Variants in PRKCQ observed in about 807,000 individuals in gnomAD.
PRKCQ encodes protein kinase C theta, also known as protein kinase C theta type.
In PRKCQ, 41 loss-of-function variants were observed where a neutral mutation model predicts 91.2. The observed-to-expected ratio is 0.45, with a 90% CI of 0.35 to 0.58. The LOEUF is 0.58. Among genes scored for constraint, PRKCQ ranks in the 20% least tolerant of loss-of-function variants. The pLI, the probability that PRKCQ is intolerant of heterozygous loss-of-function variation, is 0.00. For missense variants in PRKCQ, 673 were observed against 896.5 expected (o/e 0.75, Z 3.18); for synonymous variants, 307 against 316.9 (o/e 0.97, Z 0.33).
At chr10:6,462,002 G>A (rs1417297158) in intron 14 of PRKCQ, among the ~76,000 whole-genome samples, 1 of 152,046 alleles carries the variant, frequency 6.6e-6, no homozygotes, top group Non-Finnish European at 1.5e-5. Context: ...GAAACCGTAA[G>A]GTATGATAAG....
chr10:6,525,313 C>T (rs558448368), intron 1 of PRKCQ, among the ~76,000 whole-genome samples: 18 of 152,270 alleles, frequency 1.2e-4, no homozygotes, highest in Non-Finnish European at 2.2e-4. Context: ...CATGGTGGCT[C>T]ATGCCTGTAA....
Position 6,497,337 on chromosome 10 carries a change from A to G in PRKCQ, c.543-86T>C. ...TTTAAGAGATGGATGAGATCTCATA[A>G]CCCCCTAAGATCACAGAGCAGTTTC... On this transcript the variant is annotated intron_variant, in intron 5 of 17. Coordinates refer to ENST00000263125, the MANE Select transcript of PRKCQ (RefSeq NM_006257.5). This position sits in a 1 kb window ranked among gnomAD's most constrained non-coding sequence, Gnocchi z 4.5. 2.0e-6 allele frequency: 3 copies of G among 1,476,756 alleles called. No homozygotes were observed. The Admixed American group carries it at 5.0e-5, about 25-fold the overall frequency. The allele number at this position is 1,476,756 out of a possible 1,614,324, so 91.5% of individuals were successfully genotyped here.
intron 12 of PRKCQ, among the ~76,000 whole-genome samples, chr10:6,475,306 A>G (rs1035946770): frequency 1.3e-5 from 2 of 152,178 alleles, no homozygotes; most frequent in Admixed American, 6.5e-5. Flanking sequence ...GGGCAGGGGT[A>G]AAGTGGGTGC....
intron 4 of PRKCQ, among the ~76,000 whole-genome samples, chr10:6,499,526 A>G (rs1375279451): frequency 2.6e-5 from 4 of 152,232 alleles, no homozygotes; most frequent in Non-Finnish European, 5.9e-5. Context: ...CAGTAAAGAA[A>G]TAAAAATATC....
chr10:6,496,054 A>G (rs1399907760), intron 7 of PRKCQ, among the ~76,000 whole-genome samples: 2 of 151,920 alleles, frequency 1.3e-5, no homozygotes, highest in African/African-American at 2.4e-5. Flanking sequence ...CATCTCTACT[A>G]AAAATACGAA....
At chr10:6,511,527 G>A (rs74112681) in intron 2 of PRKCQ, among the ~76,000 whole-genome samples, 1,776 of 152,330 alleles carry the variant, frequency 0.012, 30 homozygotes, top group African/African-American at 0.041. Flanking sequence ...CTGAGATGAC[G>A]AGAATTGCCA....
chr10:6,470,527 C>T (rs557711105), intron 12 of PRKCQ, among the ~76,000 whole-genome samples: 1 of 152,296 alleles, frequency 6.6e-6, no homozygotes, highest in African/African-American at 2.4e-5. Context: ...AGGAACAACA[C>T]ATATTAAACT....
rs1564324297 is a variant in PRKCQ, at chr10:6,467,385, CAGACAG to C, written c.1354-2987_1354-2982del. On this transcript the variant is annotated intron_variant, in intron 12 of 17. Transcript: ENST00000263125. ...AGAGAGAGAGAGAGACAGAGAGAGA[CAGACAG>C]AGAGAGAGAGAGAGAGAGAGAGAGA... is the stretch of plus-strand genomic sequence containing the variant. Among the ~76,000 whole-genome samples, 30 of 39,488 alleles carry C rather than the reference CAGACAG, an allele frequency of 7.6e-4. 2 individuals carry two copies. Among genetic ancestry groups the C allele is most frequent in the South Asian group, 4.8e-3 (5 of 1,050 alleles). The allele number at this position is 39,488 out of a possible 152,430, so 25.9% of individuals were successfully genotyped here.
chr10:6,422,391 G>A (rs1245095537), downstream of PRKCQ, among the ~76,000 whole-genome samples: 1 of 152,210 alleles, frequency 6.6e-6, no homozygotes, highest in Non-Finnish European at 1.5e-5. Context: ...ACACCACATC[G>A]GGGGTGAGGC....
At chr10:6,454,599 C>T (rs1312622039) in intron 15 of PRKCQ, among the ~76,000 whole-genome samples, 3 of 151,764 alleles carry the variant, frequency 2.0e-5, no homozygotes, top group Admixed American at 6.5e-5. Context: ...GGATGGATGA[C>T]ATGTAATTCA....
intron 17 of PRKCQ, among the ~76,000 whole-genome samples, chr10:6,429,968 C>T (rs1833328816): frequency 6.6e-6 from 1 of 150,476 alleles, no homozygotes; most frequent in Admixed American, 6.6e-5. Flanking sequence ...AATCCTCCCA[C>T]CTCAGCCTCC....
chr10:6,402,157 A>T, the PRKCQ span, among the ~76,000 whole-genome samples: 1 of 151,968 alleles, frequency 6.6e-6, no homozygotes, highest in Non-Finnish European at 1.5e-5. Context: ...ATGAGAACGC[A>T]TGGACGCAGG....
At chr10:6,427,079 T>A (rs1425968339), downstream of PRKCQ, 1 of 152,074 alleles carries the variant, frequency 6.6e-6, no homozygotes, top group Non-Finnish European at 1.5e-5. Flanking sequence ...AGCTACATTT[T>A]GAGGACTGAC....
chr10:6,427,924 A>G lies in PRKCQ; in HGVS notation c.*283T>C. On this transcript the variant is annotated 3_prime_UTR_variant, in exon 18 of 18. Coordinates refer to ENST00000263125, the MANE Select transcript of PRKCQ (RefSeq NM_006257.5). Reference sequence around the variant, plus strand: ...CAGTATCAAGTCTTGAAACCTTTCCAAGTGCGGAGACCCATCTTTCAAGTA... The same window carrying G: ...CAGTATCAAGTCTTGAAACCTTTCCGAGTGCGGAGACCCATCTTTCAAGTA... 1 of 376,480 alleles carries G rather than the reference A, an allele frequency of 2.7e-6. No homozygotes were observed. Among genetic ancestry groups the G allele is most frequent in the East Asian group, 6.2e-5 (1 of 16,042 alleles). The allele number at this position is 376,480 out of a possible 1,614,324, so 23.3% of individuals were successfully genotyped here. A position where few individuals can be genotyped will look rare whatever the true frequency, so the allele number is the denominator to read the frequency against.
At chr10:6,549,535 T>C (rs953767369) in intron 1 of PRKCQ, among the ~76,000 whole-genome samples, 4 of 152,150 alleles carry the variant, frequency 2.6e-5, no homozygotes, top group Non-Finnish European at 4.4e-5. Flanking sequence ...ACAAAAGTAA[T>C]TGCAATTTTT....
intron 14 of PRKCQ, among the ~76,000 whole-genome samples, chr10:6,459,738 G>A (rs896662834): frequency 6.6e-6 from 1 of 152,220 alleles, no homozygotes; most frequent in Non-Finnish European, 1.5e-5. Context: ...GCCAAGGAAT[G>A]CCTGCAGCCA....
chr10:6,545,912 G>A (rs1034279508), intron 1 of PRKCQ, among the ~76,000 whole-genome samples: 6 of 152,068 alleles, frequency 3.9e-5, no homozygotes, highest in Non-Finnish European at 8.8e-5. Flanking sequence ...CTGAGGCGGG[G>A]AGAATCGCTT....
downstream of PRKCQ, among the ~76,000 whole-genome samples, chr10:6,426,536 C>T (rs1833127243): frequency 6.6e-6 from 1 of 152,078 alleles, no homozygotes. Context: ...GAACAAAGGG[C>T]CCGGACACCT....
intron 3 of PRKCQ, among the ~76,000 whole-genome samples, chr10:6,508,476 AAAAC>A (rs1838308679): frequency 6.6e-6 from 1 of 152,390 alleles, no homozygotes; most frequent in Admixed American, 6.5e-5. Context: ...AAATCTCTGA[AAAAC>A]AGACATAATA....
Sources: gnomAD v4.1 joint callset for allele counts (sites outside exome capture counted in the v4.1 genomes callset) on GRCh38, gnomAD v4.1.1 for gene constraint, Gnocchi (gnomAD v3.1) non-coding constraint, MANE v1.5 for transcripts, NCBI Gene and HGNC (gene_info 2026-07-23, HGNC 2026-07-21) for gene names.